CYFIP1: variants seen among roughly 807,000 people sequenced by gnomAD.
CYFIP1 encodes cytoplasmic FMR1-interacting protein 1.
In CYFIP1, 58 loss-of-function variants were observed where a neutral mutation model predicts 163.5. That is an observed-to-expected ratio of 0.35 (90% CI 0.29 to 0.44). The LOEUF (loss-of-function observed/expected upper bound fraction) is 0.44. Among genes scored for constraint, CYFIP1 ranks in the 20% least tolerant of loss-of-function variants. The pLI is 1.00. For missense variants in CYFIP1, 1,338 were observed against 1,653.8 expected (o/e 0.81, Z 3.31); for synonymous variants, 663 against 660.7 (o/e 1.00, Z -0.05).
chr15:22,899,717 C>T (rs1359343159), intron 22 of CYFIP1, among the ~76,000 whole-genome samples: 3 of 152,160 alleles, frequency 2.0e-5, no homozygotes, highest in African/African-American at 4.8e-5. Flanking sequence ...GACTAATACA[C>T]ATGCACATGT....
intron 10 of CYFIP1, 85 bp from the exon 11 acceptor site, chr15:22,932,425 C>T: frequency 1.2e-6 from 1 of 820,400 alleles, no homozygotes; most frequent in Non-Finnish European, 1.8e-6. Context: ...CTGTTTGGCA[C>T]CAGAGCCACA....
In CYFIP1 at chr15:22,912,258, A is replaced by T. The variant is rs774448640; in HGVS notation, c.2003T>A (p.Leu668Gln). 1 of 1,613,526 alleles carries T rather than the reference A, an allele frequency of 6.2e-7. No individual in the cohort carries two copies. The highest frequency in any genetic ancestry group is 1.1e-5 in the South Asian group (1 of 90,910). ...ASMMEYVLYS[L>Q]DLYNDSAHYA... The stretch of plus-strand genomic sequence containing the variant: ...GTGGGCGCTGTCATTGTACAGGTCC[A>T]GGGAGTAGAGCACGTACCTGCAGAG... The change falls in exon 18 of 31, where the codon CTG (leucine) becomes CAG (glutamine). Residue 668 changes from leucine (L) to glutamine (Q), a missense_variant. Transcript: ENST00000617928.
intron 1 of CYFIP1, among the ~76,000 whole-genome samples, chr15:22,952,244 T>C (rs988985124): frequency 6.6e-6 from 1 of 151,914 alleles, no homozygotes; most frequent in African/African-American, 2.4e-5. Flanking sequence ...GCTGGGGAGT[T>C]GGTGTTTAGT....
chr15:22,975,071 T>G (rs1011541126), intron 1 of CYFIP1, among the ~76,000 whole-genome samples: 2 of 152,184 alleles, frequency 1.3e-5, no homozygotes, highest in African/African-American at 4.8e-5. Flanking sequence ...CTCTTCCTCA[T>G]GATTTTCTTA....
intron 1 of CYFIP1, among the ~76,000 whole-genome samples, chr15:22,956,918 T>C (rs1296848413): frequency 2.6e-5 from 4 of 152,256 alleles, no homozygotes; most frequent in Non-Finnish European, 5.9e-5. Context: ...TATTTACTTC[T>C]CTTTCCACCC....
chr15:22,873,381 C>T lies in CYFIP1; in HGVS notation c.3449+110G>A, dbSNP rs188282546. The T allele has an allele frequency of 5.6e-6, 5 of 894,586 alleles. No homozygotes were observed. In the East Asian group the frequency reaches 1.2e-4, roughly 22 times the overall value. The allele number at this position is 894,586 out of a possible 1,614,324, so 55.4% of individuals were successfully genotyped here. On this transcript the variant is annotated intron_variant, in intron 29 of 30. Transcript: ENST00000617928. The stretch of plus-strand genomic sequence containing the variant: ...GGCTTAAAAGCCGCTCAGTGAGTTT[C>T]TGGTCCACTTCCTGAGCATGGCTGG...
chr15:22,973,217 G>C (rs2063155837), intron 1 of CYFIP1, among the ~76,000 whole-genome samples: 1 of 151,218 alleles, frequency 6.6e-6, no homozygotes, highest in African/African-American at 2.4e-5. Flanking sequence ...GAGAGGCTGA[G>C]GTGGGAGAAT....
rs58565266 is a variant in CYFIP1 at position 22,908,518 on chromosome 15, C to CTTTTTTTTTTTTT, written c.2388+663_2388+675dup. On this transcript the variant is annotated intron_variant, in intron 21 of 30. Transcript: ENST00000617928. ...CTCTTGGTCCCTAAAGAAGATATTTCTTTTTTTTTTTTTTTTTTTTTTTTT... is the reference window on the plus strand; with the variant it reads ...CTCTTGGTCCCTAAAGAAGATATTTCTTTTTTTTTTTTTTTTTTTTTTTTTTTTTTTTTTTTTT... Among the ~76,000 whole-genome samples, 43 of 75,490 alleles carry CTTTTTTTTTTTTT rather than the reference C, an allele frequency of 5.7e-4. 8 individuals carry two copies. The highest frequency in any genetic ancestry group is 2.5e-3 in the African/African-American group (42 of 16,768). The allele number at this position is 75,490 out of a possible 152,430, so 49.5% of individuals were successfully genotyped here. A position where few individuals can be genotyped will look rare whatever the true frequency, so the allele number is the denominator to read the frequency against.
intron 13 of CYFIP1, among the ~76,000 whole-genome samples, chr15:22,919,334 G>C (rs2061101684): frequency 6.6e-6 from 1 of 152,148 alleles, no homozygotes; most frequent in Non-Finnish European, 1.5e-5. Context: ...GGAATTCCTG[G>C]GACAGAAAAA....
In CYFIP1 at chr15:22,873,573, C is replaced by T. The variant is rs748203521; in HGVS notation, c.3367G>A (p.Glu1123Lys). 6.8e-6 allele frequency: 11 copies of T among 1,614,246 alleles called. 1 individual carries two copies. Among genetic ancestry groups the T allele is most frequent in the East Asian group, 4.5e-5 (2 of 44,884 alleles). ...LPSNGVMHVD[E>K]CVEFHRLWSA... ...CACAGTCTGTGAAACTCCACACACT[C>T]GTCCACATGCATGACCCCATTGCTG... is the stretch of plus-strand genomic sequence containing the variant. The change falls in exon 29 of 31, where the codon GAG becomes AAG. Residue 1123 changes from glutamate to lysine, a missense_variant. Around this residue, in one of 4 missense-constraint regions of CYFIP1, gnomAD observed 306 missense variants for 322.1 expected, o/e 0.95. Coordinates refer to ENST00000617928, the MANE Select transcript of CYFIP1 (RefSeq NM_014608.6).
chr15:22,917,230 A>G lies in CYFIP1; in HGVS notation c.1674+558T>C. The G allele has an allele frequency of 7.1e-7, 1 of 1,408,132 alleles. No individual in the cohort carries two copies. Among genetic ancestry groups the G allele is most frequent in the South Asian group, 1.7e-5 (1 of 58,638 alleles). 87.2% of individuals were successfully genotyped at this position (1,408,132 alleles called of 1,614,324 possible). ...TGGTGACTTTCCAGAAGAGTGGCAG[A>G]AGAGATTAAAAGCCTCCGGCAGAGA... On this transcript the variant is annotated intron_variant, in intron 15 of 30. Coordinates refer to ENST00000617928, the MANE Select transcript of CYFIP1 (RefSeq NM_014608.6). This position sits in a 1 kb window ranked among gnomAD's most constrained non-coding sequence, Gnocchi z 4.2.
intron 1 of CYFIP1, among the ~76,000 whole-genome samples, chr15:22,975,776 G>A (rs1353700291): frequency 6.6e-6 from 1 of 152,116 alleles, no homozygotes; most frequent in African/African-American, 2.4e-5. Flanking sequence ...AGTTACACTC[G>A]GATTTTCAAC....
At position 22,914,806 on chromosome 15, in the gene CYFIP1, C is replaced by G; in HGVS notation, c.1905G>C (p.Arg635Ser). 1 of 1,613,928 alleles carries G rather than the reference C, an allele frequency of 6.2e-7. No homozygotes were observed. The highest frequency in any genetic ancestry group is 8.5e-7 in the Non-Finnish European group (1 of 1,179,894). ...EFFLELTMGRRIQFPIEMSMP... is the reference protein window; with the variant it reads ...EFFLELTMGRSIQFPIEMSMP... ...TCGACATCTCAATGGGGAACTGGAT[C>G]CTCCTGCCCATGGTCAGCTCCAGGA... is the stretch of plus-strand genomic sequence containing the variant. Residue 635 changes from arginine to serine, a missense_variant, in exon 17 of 31, where the codon AGG (arginine) becomes AGC (serine). Coordinates refer to ENST00000617928, the MANE Select transcript of CYFIP1 (RefSeq NM_014608.6).
intron 1 of CYFIP1, among the ~76,000 whole-genome samples, chr15:22,959,508 C>T (rs1184658645): frequency 6.6e-6 from 1 of 152,216 alleles, no homozygotes; most frequent in Non-Finnish European, 1.5e-5. Context: ...GCCTCAGTGG[C>T]GTGGCCCGCA....
At chr15:22,978,822 G>A (rs573165456) in intron 1 of CYFIP1, among the ~76,000 whole-genome samples, 9 of 152,144 alleles carry the variant, frequency 5.9e-5, no homozygotes, top group Middle Eastern at 3.4e-3. Context: ...GCCCACATGT[G>A]ACATTCTGGA....
intron 24 of CYFIP1, among the ~76,000 whole-genome samples, chr15:22,882,598 A>G (rs1261726743): frequency 6.6e-6 from 1 of 152,232 alleles, no homozygotes; most frequent in Non-Finnish European, 1.5e-5. Context: ...GGAGCCCAGG[A>G]GTTCAAGGAC....
At chr15:22,873,464 T>C (rs767950694) in intron 29 of CYFIP1, 27 bp downstream of exon 29, 1 of 1,588,610 alleles carries the variant, frequency 6.3e-7, no homozygotes, top group South Asian at 1.1e-5. Flanking sequence ...CCTCTGGGGC[T>C]TTGTCCTGCT....
intron 1 of CYFIP1, among the ~76,000 whole-genome samples, chr15:22,970,050 C>A (rs1185877647): frequency 2.6e-5 from 4 of 152,106 alleles, no homozygotes; most frequent in Non-Finnish European, 5.9e-5. Context: ...AGGGAAGTTG[C>A]AGGATACAAA....
intron 8 of CYFIP1, among the ~76,000 whole-genome samples, chr15:22,937,822 G>A (rs558606365): frequency 3.4e-4 from 51 of 152,024 alleles, no homozygotes; most frequent in African/African-American, 9.6e-4. Context: ...TCAGGCTGGT[G>A]TAAAACTCCT....
Sources: gnomAD v4.1 joint callset for allele counts (sites outside exome capture counted in the v4.1 genomes callset) on GRCh38, gnomAD v4.1.1 for gene constraint, gnomAD v4.1.1 regional missense constraint, Gnocchi (gnomAD v3.1) non-coding constraint, MANE v1.5 for transcripts, NCBI Gene and HGNC (gene_info 2026-07-23, HGNC 2026-07-21) for gene names.